Variants in EPHA5 observed in about 807,000 individuals in gnomAD.
The protein encoded by EPHA5 is ephrin type-A receptor 5.
A neutral mutation model predicts 105.0 loss-of-function variants in EPHA5; 60 were observed. The observed-to-expected ratio is 0.57, with a 90% CI of 0.46 to 0.71. The LOEUF (loss-of-function observed/expected upper bound fraction) is 0.71, where lower values mean the gene tolerates loss of function less well. Ranked by LOEUF, EPHA5 falls within the 30% of genes least tolerant of loss-of-function variation. The probability of loss-of-function intolerance (pLI) is 0.00; values close to 1 mark genes in which losing one functional copy is unlikely to be tolerated. For missense variants in EPHA5, 1,218 were observed against 1,274.7 expected, an observed-to-expected ratio of 0.96 and a Z score of 0.68; for synonymous variants, 513 against 449.1, an observed-to-expected ratio of 1.14 and a Z score of -1.80.
chr4:65,475,629 CA>C, intron 5 of EPHA5, among the ~76,000 whole-genome samples: 1 of 152,178 alleles, frequency 6.6e-6, no homozygotes, highest in Non-Finnish European at 1.5e-5. Context: ...TATCAATTTA[CA>C]ATATGCATTT....
intron 3 of EPHA5, among the ~76,000 whole-genome samples, chr4:65,556,539 T>C (rs1437152889): frequency 1.3e-5 from 2 of 152,152 alleles, no homozygotes; most frequent in Non-Finnish European, 2.9e-5. Context: ...AACAATGTAT[T>C]TGTGTTTAGT....
At chr4:65,342,758 T>C (rs975606965) in intron 14 of EPHA5, among the ~76,000 whole-genome samples, 3 of 151,476 alleles carry the variant, frequency 2.0e-5, no homozygotes, top group African/African-American at 7.3e-5. Context: ...ACACATATAA[T>C]TTATACTGCT....
At chr4:65,548,310 C>A (rs1737581609) in intron 3 of EPHA5, among the ~76,000 whole-genome samples, 1 of 145,146 alleles carries the variant, frequency 6.9e-6, no homozygotes, top group Admixed American at 6.9e-5. Context: ...GCTTGGATAA[C>A]AGCAGATTAG....
intron 5 of EPHA5, among the ~76,000 whole-genome samples, chr4:65,476,127 A>AGT (rs58933650): frequency 0.12 from 13,789 of 119,010 alleles, 853 homozygotes; most frequent in East Asian, 0.31. Flanking sequence ...AGAGAGAGAG[A>AGT]GTGTGTGTGT....
At chr4:65,396,101 C>A (rs761839819) in intron 8 of EPHA5, among the ~76,000 whole-genome samples, 1 of 152,222 alleles carries the variant, frequency 6.6e-6, no homozygotes, top group Non-Finnish European at 1.5e-5. Context: ...CCTGTAGGCT[C>A]AGACGTGCCT....
intron 5 of EPHA5, among the ~76,000 whole-genome samples, chr4:65,446,109 A>T (rs1396598645): frequency 1.3e-5 from 2 of 152,148 alleles, no homozygotes; most frequent in Admixed American, 6.5e-5. Context: ...TATCTGCTTC[A>T]CCCTCATGAT....
chr4:65,615,627 A>G lies in EPHA5; in HGVS notation c.247-13323T>C, dbSNP rs548996438. ...ATCGCTGAGAAAGTACAGAAAATAC[A>G]TGAAAAGACAATACTGAAAAGTGTA... On this transcript the variant is annotated intron_variant, in intron 2 of 16. Transcript: ENST00000613740. Among the ~76,000 whole-genome samples, 12 of 152,108 alleles carry G rather than the reference A, an allele frequency of 7.9e-5. No individual in the cohort carries two copies. In the East Asian group the frequency reaches 2.3e-3, roughly 29 times the overall value.
chr4:65,642,065 G>A (rs1197058306), intron 2 of EPHA5, among the ~76,000 whole-genome samples: 1 of 151,814 alleles, frequency 6.6e-6, no homozygotes, highest in African/African-American at 2.4e-5. Flanking sequence ...TGTCTGAGTG[G>A]AAACAGGAGA....
chr4:65,652,104 A>T (rs1342280579), intron 1 of EPHA5, among the ~76,000 whole-genome samples: 1 of 152,182 alleles, frequency 6.6e-6, no homozygotes, highest in Non-Finnish European at 1.5e-5. Flanking sequence ...GAAGCTTGAA[A>T]ATCTTTACAT....
At chr4:65,597,050 C>T (rs1743262226) in intron 3 of EPHA5, among the ~76,000 whole-genome samples, 1 of 152,122 alleles carries the variant, frequency 6.6e-6, no homozygotes, top group South Asian at 2.1e-4. Context: ...GGTATTTTCA[C>T]TACATTTTCC....
At chr4:65,649,404 A>T (rs2149525232) in intron 1 of EPHA5, among the ~76,000 whole-genome samples, 1 of 152,358 alleles carries the variant, frequency 6.6e-6, no homozygotes, top group South Asian at 2.1e-4. Flanking sequence ...ACATAGCTTG[A>T]GAAAAACTGC....
At chr4:65,574,403 ATACTC>A (rs1162960665) in intron 3 of EPHA5, 1 of 657,970 alleles carries the variant, frequency 1.5e-6, no homozygotes, top group African/African-American at 1.9e-5. Flanking sequence ...AAATAAAAAA[ATACTC>A]AAATAACTCA....
At chr4:65,629,912 A>T (rs1377541734) in intron 2 of EPHA5, among the ~76,000 whole-genome samples, 1 of 152,212 alleles carries the variant, frequency 6.6e-6, no homozygotes, top group Non-Finnish European at 1.5e-5. Flanking sequence ...ACTTTAATAT[A>T]GGAGGGCAAA....
rs554706022 is a variant in EPHA5, at chr4:65,490,705, G to A, written c.1074C>T (p.Pro358=). ...TTGAGATGGCATTCCGAGGAGCAGAGGGGGGTCCTGGTTTACAAAGTAAAG... is the reference window on the plus strand; with the variant it reads ...TTGAGATGGCATTCCGAGGAGCAGAAGGGGGTCCTGGTTTACAAAGTAAAG... The part of the protein sequence containing the change: ...DPPTMACTRP[P]SAPRNAISNV... Residue 358 remains proline (P), a synonymous_variant, in exon 5 of 17, where the codon CCC becomes CCT. Coordinates refer to ENST00000613740, the MANE Select transcript of EPHA5 (RefSeq NM_001281766.3). 6.2e-7 allele frequency: 1 copy of A among 1,612,832 alleles called. No homozygotes were observed. The highest frequency in any genetic ancestry group is 8.5e-7 in the Non-Finnish European group (1 of 1,178,918).
At chr4:65,500,823 GTATA>G (rs34256025) in intron 3 of EPHA5, among the ~76,000 whole-genome samples, 48 of 147,830 alleles carry the variant, frequency 3.2e-4, no homozygotes, top group Admixed American at 1.5e-3. Context: ...ATATGTGTGC[GTATA>G]TATATATATA....
intron 2 of EPHA5, among the ~76,000 whole-genome samples, chr4:65,613,776 A>G (rs570724784): frequency 5.5e-4 from 84 of 152,148 alleles, no homozygotes; most frequent in Non-Finnish European, 8.4e-4. Context: ...GAAGTTTAAA[A>G]TGTTTAGTGA....
intron 16 of EPHA5, among the ~76,000 whole-genome samples, chr4:65,326,033 T>C (rs1479866140): frequency 4.1e-5 from 6 of 145,944 alleles, no homozygotes; most frequent in African/African-American, 1.0e-4. Flanking sequence ...ATATATCTCA[T>C]ATATATATGT....
At position 65,403,604 on chromosome 4, in the gene EPHA5, ATTTAG is replaced by A. The variant is rs1722066614; in HGVS notation, c.1793+765_1793+769del. Reference sequence around the variant, plus strand: ...TGTTTTATATAGTTTATTTTGTTTTATTTAGTTTATTTTGTTTTATTCTACTTTAT... The same window carrying A: ...TGTTTTATATAGTTTATTTTGTTTTATTTATTTTGTTTTATTCTACTTTAT... On this transcript the variant is annotated intron_variant, in intron 8 of 16. Transcript: ENST00000613740. 1.3e-5 allele frequency among the ~76,000 whole-genome samples: 2 copies of A among 151,868 alleles called. 1 individual carries two copies. Among genetic ancestry groups the A allele is most frequent in the South Asian group, 4.1e-4 (2 of 4,820 alleles).
intron 3 of EPHA5, among the ~76,000 whole-genome samples, chr4:65,596,919 C>G (rs1287710375): frequency 6.6e-6 from 1 of 152,018 alleles, no homozygotes; most frequent in East Asian, 1.9e-4. Context: ...ACCTAATATA[C>G]CTAATATATT....
Sources: allele counts gnomAD v4.1 joint callset (sites outside exome capture counted in the v4.1 genomes callset), GRCh38; gene constraint gnomAD v4.1.1; transcripts MANE v1.5; gene names NCBI Gene and HGNC (gene_info 2026-07-23, HGNC 2026-07-21).